The following UBR1 variants were observed in gnomAD, a reference collection of about 807,000 sequenced individuals.
The protein encoded by UBR1 is ubiquitin protein ligase E3 component n-recognin 1.
Under a neutral mutation model 242.1 loss-of-function variants are expected in UBR1, and 102 were observed. The observed-to-expected ratio is 0.42, with a 90% CI of 0.36 to 0.50. The LOEUF (loss-of-function observed/expected upper bound fraction) is 0.50, where lower values mean the gene tolerates loss of function less well. UBR1 is among the 20% of genes least tolerant of loss of function. The pLI, the probability that UBR1 is intolerant of heterozygous loss-of-function variation, is 0.01. For missense variants in UBR1, 1,772 were observed against 2,101.8 expected, an observed-to-expected ratio of 0.84 and a Z score of 3.07; for synonymous variants, 675 against 684.8, an observed-to-expected ratio of 0.99 and a Z score of 0.22.
intron 15 of UBR1, among the ~76,000 whole-genome samples, chr15:43,041,989 T>A (rs1387768640): frequency 6.6e-6 from 1 of 152,044 alleles, no homozygotes; most frequent in Non-Finnish European, 1.5e-5. Context: ...TCACTTCATA[T>A]CCATTAGAAT....
intron 33 of UBR1, among the ~76,000 whole-genome samples, chr15:42,992,833 G>A (rs2032576595): frequency 6.6e-6 from 1 of 152,188 alleles, no homozygotes; most frequent in South Asian, 2.1e-4. Flanking sequence ...TCAGATTTAT[G>A]ACTGCGGATG....
chr15:43,060,804 A>G (rs1367444313), intron 6 of UBR1, among the ~76,000 whole-genome samples: 1 of 152,202 alleles, frequency 6.6e-6, no homozygotes, highest in Non-Finnish European at 1.5e-5. Flanking sequence ...TCAGAGATCC[A>G]TGACAAGCAT....
intron 3 of UBR1, among the ~76,000 whole-genome samples, chr15:43,080,546 C>G (rs929783232): frequency 6.6e-5 from 10 of 152,188 alleles, no homozygotes; most frequent in Non-Finnish European, 1.3e-4. Flanking sequence ...TAGCTCCTTT[C>G]TTTATAGTAC....
In UBR1 at chr15:43,043,250, A is replaced by G. The variant is rs2033441568; in HGVS notation, c.1814T>C (p.Val605Ala). 1 of 1,614,074 alleles carries G rather than the reference A, an allele frequency of 6.2e-7. No homozygotes were observed. The highest frequency in any genetic ancestry group is 8.5e-7 in the Non-Finnish European group (1 of 1,180,036). Residue 605 changes from valine (V) to alanine (A), a missense_variant, in exon 15 of 47, where the codon GTA (valine) becomes GCA (alanine). This residue lies in a region of UBR1 where 734 missense variants were observed against 893.3 expected (regional missense o/e 0.82). Coordinates refer to ENST00000290650, the MANE Select transcript of UBR1 (RefSeq NM_174916.3). The stretch of plus-strand genomic sequence containing the variant: ...CCTAGAGAGTGGCAGATGTATGCTT[A>G]CAAGATCCTCAGATACTCTGTAGGA... ...TKSYRVSEDLVSIHLPLSRTL... is the reference protein window; with the variant it reads ...TKSYRVSEDLASIHLPLSRTL...
rs1404208328 is a variant in UBR1, at chr15:42,948,995, G to C, written c.5108+1267C>G. On this transcript the variant is annotated intron_variant, in intron 46 of 46. Coordinates refer to ENST00000290650, the MANE Select transcript of UBR1 (RefSeq NM_174916.3). ...ACATGCACACGTATGTTTATTGCGG[G>C]ACTATTCACAATAGCAAAGACTTGG... 3.3e-5 allele frequency among the ~76,000 whole-genome samples: 5 copies of C among 151,974 alleles called. No homozygotes were observed. The East Asian group carries it at 7.8e-4, about 24-fold the overall frequency.
intron 44 of UBR1, among the ~76,000 whole-genome samples, chr15:42,956,539 T>C (rs1421807044): frequency 1.3e-5 from 2 of 152,216 alleles, no homozygotes; most frequent in Non-Finnish European, 2.9e-5. Flanking sequence ...TTGGCCAGGC[T>C]GGCCTTGAAC....
At chr15:42,970,311 AC>A (rs2032182908) in intron 40 of UBR1, among the ~76,000 whole-genome samples, 1 of 152,118 alleles carries the variant, frequency 6.6e-6, no homozygotes, top group African/African-American at 2.4e-5. Flanking sequence ...CTGAAACTAC[AC>A]CCCTTCCTTA....
At chr15:42,965,595 C>G (rs1937640898) in intron 41 of UBR1, among the ~76,000 whole-genome samples, 1 of 151,982 alleles carries the variant, frequency 6.6e-6, no homozygotes, top group African/African-American at 2.4e-5. Flanking sequence ...TCCTGAGTAG[C>G]TGGGATTACA....
intron 32 of UBR1, among the ~76,000 whole-genome samples, chr15:43,000,059 C>T (rs908188554): frequency 3.3e-5 from 5 of 151,832 alleles, no homozygotes; most frequent in Non-Finnish European, 5.9e-5. Context: ...TAAATTTTTT[C>T]GTAAGTTTGT....
chr15:42,976,462 G>T (rs1472237909), intron 39 of UBR1, among the ~76,000 whole-genome samples: 1 of 152,096 alleles, frequency 6.6e-6, no homozygotes, highest in Non-Finnish European at 1.5e-5. Flanking sequence ...GAAAAAGAGG[G>T]AAAAGCAGGT....
rs2033109227 is a variant in UBR1 at position 43,021,393 on chromosome 15, A to T, written c.2840-18T>A. On this transcript the variant is annotated intron_variant, in intron 26 of 46. Coordinates refer to ENST00000290650, the MANE Select transcript of UBR1 (RefSeq NM_174916.3). ...TCCCAATCCTTTTTTAAAACACAAA[A>T]TCACACATCATAAATACATAAAGTC... 1 of 1,608,354 alleles carries T rather than the reference A, an allele frequency of 6.2e-7. No homozygotes were observed. Among genetic ancestry groups the T allele is most frequent in the Non-Finnish European group, 8.5e-7 (1 of 1,175,010 alleles).
At chr15:43,086,437 G>GAAAA (rs370942763) in intron 1 of UBR1, among the ~76,000 whole-genome samples, 197 bp from the exon 2 acceptor site, 14 of 86,100 alleles carry the variant, frequency 1.6e-4, no homozygotes, top group African/African-American at 4.0e-4. Context: ...ACCAGTATCT[G>GAAAA]AAAAAAAAAA....
chr15:42,960,536 T>C, intron 43 of UBR1, 109 bp downstream of exon 43: 1 of 1,105,962 alleles, frequency 9.0e-7, no homozygotes, highest in South Asian at 1.3e-5. Context: ...AGGAACACTG[T>C]ACTGAGTGAG....
At chr15:42,987,579 T>C (rs1480699335) in intron 35 of UBR1, among the ~76,000 whole-genome samples, 1 of 152,020 alleles carries the variant, frequency 6.6e-6, no homozygotes, top group African/African-American at 2.4e-5. Context: ...CTGGGCGTGG[T>C]GGCGTGCACC....
chr15:43,061,974 T>G (rs1411524087), intron 6 of UBR1, among the ~76,000 whole-genome samples: 1 of 146,582 alleles, frequency 6.8e-6, no homozygotes, highest in Non-Finnish European at 1.5e-5. Flanking sequence ...GAGTTGGCTG[T>G]AAAAAAAAAA....
intron 1 of UBR1, among the ~76,000 whole-genome samples, chr15:43,086,442 A>G (rs988707114): frequency 6.6e-6 from 1 of 151,564 alleles, no homozygotes; most frequent in African/African-American, 2.4e-5. Flanking sequence ...TATCTGAAAA[A>G]AAAAAAAAAA....
chr15:43,042,598 T>C (rs539788212), intron 15 of UBR1, among the ~76,000 whole-genome samples: 2 of 152,294 alleles, frequency 1.3e-5, no homozygotes, highest in South Asian at 4.1e-4. Context: ...GGAAGTTTCA[T>C]GCTTAGAAGA....
chr15:43,049,572 G>A (rs1353861413), intron 12 of UBR1, among the ~76,000 whole-genome samples: 3 of 152,060 alleles, frequency 2.0e-5, no homozygotes, highest in Non-Finnish European at 2.9e-5. Flanking sequence ...AAGAAGTAAT[G>A]TAGGTACATA....
At chr15:42,954,141 T>C (rs1474581488) in intron 44 of UBR1, among the ~76,000 whole-genome samples, 1 of 152,042 alleles carries the variant, frequency 6.6e-6, no homozygotes, top group African/African-American at 2.4e-5. Flanking sequence ...CACCTCAGCC[T>C]CCCAAAGTGC....
Sources: gnomAD v4.1 joint callset for allele counts (sites outside exome capture counted in the v4.1 genomes callset) on GRCh38, gnomAD v4.1.1 for gene constraint, gnomAD v4.1.1 regional missense constraint, MANE v1.5 for transcripts, NCBI Gene and HGNC (gene_info 2026-07-23, HGNC 2026-07-21) for gene names.